RPS6KC1: variants seen among roughly 807,000 people sequenced by gnomAD.
RPS6KC1 encodes ribosomal protein S6 kinase C1.
Under a neutral mutation model 103.8 loss-of-function variants are expected in RPS6KC1, and 54 were observed. That is an observed-to-expected ratio of 0.52 (90% CI 0.42 to 0.65). The LOEUF is 0.65. Among genes scored for constraint, RPS6KC1 ranks in the 30% least tolerant of loss-of-function variants. The probability of loss-of-function intolerance (pLI) is 0.00; values close to 1 mark genes in which losing one functional copy is unlikely to be tolerated. For synonymous variants in RPS6KC1, 439 were observed against 438.7 expected (o/e 1.00, Z -0.01); for missense variants, 1,151 against 1,253.8 (o/e 0.92, Z 1.24).
intron 13 of RPS6KC1, 95 bp downstream of exon 13, chr1:213,261,735 G>A (rs2094802499): frequency 7.7e-6 from 8 of 1,043,888 alleles, no homozygotes; most frequent in South Asian, 3.0e-5. Context: ...TTTAAATCAG[G>A]GACTAAGCAA....
the RPS6KC1 span, among the ~76,000 whole-genome samples, chr1:213,806,939 A>G: frequency 2.0e-5 from 3 of 151,926 alleles, no homozygotes; most frequent in South Asian, 6.2e-4. Context: ...TTCCATGTTT[A>G]GTGCTTCCTT....
At chr1:213,190,667 T>C (rs2092712970) in intron 8 of RPS6KC1, among the ~76,000 whole-genome samples, 1 of 152,234 alleles carries the variant, frequency 6.6e-6, no homozygotes, top group Non-Finnish European at 1.5e-5. Context: ...ATGATCCTAT[T>C]TGTCCATTTT....
the RPS6KC1 span, among the ~76,000 whole-genome samples, chr1:213,524,290 C>T: frequency 1.3e-3 from 196 of 152,206 alleles, 1 homozygote; most frequent in African/African-American, 4.6e-3. Flanking sequence ...CTCACCATCA[C>T]CCAGAAAGCA....
At chr1:213,401,645 C>A in the RPS6KC1 span, among the ~76,000 whole-genome samples, 8 of 152,204 alleles carry the variant, frequency 5.3e-5, no homozygotes, top group Non-Finnish European at 5.9e-5. Context: ...TGGGCCCAGC[C>A]TGTTCTACCA....
chr1:213,731,270 C>T, the RPS6KC1 span: 1 of 152,068 alleles, frequency 6.6e-6, no homozygotes. Flanking sequence ...ATAGCTTTTT[C>T]TAGTTCTGTG....
At chr1:213,701,429 C>A in the RPS6KC1 span, among the ~76,000 whole-genome samples, 2 of 151,966 alleles carry the variant, frequency 1.3e-5, no homozygotes, top group South Asian at 4.2e-4. Flanking sequence ...AAGGATCTTT[C>A]TAATGTATTG....
Position 213,230,477 on chromosome 1 carries a change from T to C in RPS6KC1, c.1045-20T>C. The C allele has an allele frequency of 6.5e-7, 1 of 1,548,056 alleles. No homozygotes were observed. The highest frequency in any genetic ancestry group is 1.7e-5 in the Admixed American group (1 of 57,730). On this transcript the variant is annotated intron_variant, in intron 8 of 14. Transcript: ENST00000366960. Reference sequence around the variant, plus strand: ...TTTCATTGTATTGTTAATAAATTATTACTCGTGTCTTTTATGTAGGTTTTA... The same window carrying C: ...TTTCATTGTATTGTTAATAAATTATCACTCGTGTCTTTTATGTAGGTTTTA...
At chr1:213,165,192 G>A (rs1462025096) in intron 6 of RPS6KC1, among the ~76,000 whole-genome samples, 1 of 151,852 alleles carries the variant, frequency 6.6e-6, no homozygotes, top group African/African-American at 2.4e-5. Flanking sequence ...CAGTGATTAT[G>A]ACCTCCTTTT....
At chr1:213,143,086 G>C (rs978110513) in intron 6 of RPS6KC1, among the ~76,000 whole-genome samples, 1 of 152,044 alleles carries the variant, frequency 6.6e-6, no homozygotes, top group Non-Finnish European at 1.5e-5. Context: ...CTAGAATATA[G>C]GGTCATTCTT....
the RPS6KC1 span, among the ~76,000 whole-genome samples, chr1:213,436,220 T>C: frequency 6.6e-6 from 1 of 152,218 alleles, no homozygotes; most frequent in Admixed American, 6.5e-5. Context: ...TAAGGTAAAG[T>C]AAAATTAAAT....
the RPS6KC1 span, among the ~76,000 whole-genome samples, chr1:213,757,372 C>A: frequency 2.6e-5 from 4 of 152,142 alleles, no homozygotes; most frequent in African/African-American, 9.7e-5. Flanking sequence ...AGCAAAATGG[C>A]GTGATTGCTG....
At chr1:213,254,595 G>A (rs1307561541) in intron 12 of RPS6KC1, among the ~76,000 whole-genome samples, 1 of 152,180 alleles carries the variant, frequency 6.6e-6, no homozygotes, top group African/African-American at 2.4e-5. Context: ...ATAAGAGGCT[G>A]AAAGAATGTT....
chr1:213,243,036 C>A (rs900759299), intron 12 of RPS6KC1, among the ~76,000 whole-genome samples: 1 of 152,034 alleles, frequency 6.6e-6, no homozygotes, highest in Non-Finnish European at 1.5e-5. Flanking sequence ...CACTCTGTCA[C>A]ACAGGCTGGA....
chr1:213,526,336 A>C, the RPS6KC1 span, among the ~76,000 whole-genome samples: 2 of 152,146 alleles, frequency 1.3e-5, no homozygotes, highest in Non-Finnish European at 2.9e-5. Flanking sequence ...AGCGTACTGG[A>C]TGAAGGAAGT....
At chr1:213,208,337 T>A (rs559386386) in intron 8 of RPS6KC1, among the ~76,000 whole-genome samples, 1 of 152,214 alleles carries the variant, frequency 6.6e-6, no homozygotes, top group Non-Finnish European at 1.5e-5. Context: ...TCACCAGTCT[T>A]CTGTATTACT....
chr1:213,338,232 AGCAT>A, the RPS6KC1 span, among the ~76,000 whole-genome samples: 1 of 152,168 alleles, frequency 6.6e-6, no homozygotes, highest in Admixed American at 6.5e-5. Flanking sequence ...GGGCCTTTTC[AGCAT>A]GAACTTCACT....
At chr1:213,327,046 T>C in the RPS6KC1 span, among the ~76,000 whole-genome samples, 124 of 151,920 alleles carry the variant, frequency 8.2e-4, 1 homozygote, top group South Asian at 2.5e-3. Context: ...TTTTCTTTTT[T>C]TTTTTTTTTA....
chr1:213,275,033 C>G (rs1209248090), downstream of RPS6KC1, among the ~76,000 whole-genome samples: 3 of 152,166 alleles, frequency 2.0e-5, no homozygotes, highest in African/African-American at 7.2e-5. Flanking sequence ...TGTGACTGTT[C>G]TAAGTACTTC....
chr1:213,052,183 A>G (rs1370923187), intron 1 of RPS6KC1, among the ~76,000 whole-genome samples: 2 of 152,206 alleles, frequency 1.3e-5, no homozygotes, highest in African/African-American at 4.8e-5. Context: ...TTTTGCCTTG[A>G]GTTTTAAAGA....
Sources: gnomAD v4.1 joint callset for allele counts (sites outside exome capture counted in the v4.1 genomes callset) on GRCh38, gnomAD v4.1.1 for gene constraint, MANE v1.5 for transcripts, NCBI Gene and HGNC (gene_info 2026-07-23, HGNC 2026-07-21) for gene names.